The following ARFGEF1 variants were observed in gnomAD, a reference collection of about 807,000 sequenced individuals.
ARFGEF1 encodes the protein ARF guanine nucleotide exchange factor 1, also known as brefeldin A-inhibited guanine nucleotide-exchange protein 1.
A neutral mutation model predicts 231.0 loss-of-function variants in ARFGEF1; 42 were observed. That is an observed-to-expected ratio of 0.18 (90% CI 0.14 to 0.24). The LOEUF is 0.24. Among genes scored for constraint, ARFGEF1 ranks in the 10% least tolerant of loss-of-function variants. The pLI, the probability that ARFGEF1 is intolerant of heterozygous loss-of-function variation, is 1.00. For missense variants in ARFGEF1, 1,345 were observed against 2,192.0 expected (o/e 0.61, Z 7.72); for synonymous variants, 710 against 732.3 (o/e 0.97, Z 0.49).
intron 10 of ARFGEF1, among the ~76,000 whole-genome samples, chr8:67,267,845 CCTAA>C (rs1412322830): frequency 6.6e-6 from 1 of 152,096 alleles, no homozygotes; most frequent in Admixed American, 6.6e-5. Flanking sequence ...TACTGAGAGG[CCTAA>C]CTGTTCGTAG....
intron 1 of ARFGEF1, among the ~76,000 whole-genome samples, chr8:67,325,389 T>C (rs185288432): frequency 2.6e-5 from 4 of 152,320 alleles, no homozygotes; most frequent in Non-Finnish European, 4.4e-5. Flanking sequence ...ACTTCAAAGG[T>C]TGTTTTTAAT....
intron 1 of ARFGEF1, among the ~76,000 whole-genome samples, chr8:67,306,180 T>C (rs1806736070): frequency 6.6e-6 from 1 of 152,016 alleles, no homozygotes; most frequent in Admixed American, 6.6e-5. Flanking sequence ...AAAATAAGAG[T>C]GACTTGAACA....
In ARFGEF1 at chr8:67,301,250, C is replaced by T. The variant is rs758509264; in HGVS notation, c.286G>A (p.Val96Ile). 4 of 1,613,060 alleles carry T rather than the reference C, an allele frequency of 2.5e-6. No homozygotes were observed. In the African/African-American group the frequency reaches 4.0e-5, roughly 16 times the overall value. Residue 96 changes from valine (V) to isoleucine (I), a missense_variant, in exon 3 of 39, where the codon GTT becomes ATT. Val to Ile is a conservative substitution (Grantham distance 29, BLOSUM62 3). This residue lies in a region of ARFGEF1 where 398 missense variants were observed against 463.2 expected (regional missense o/e 0.86). Transcript: ENST00000262215. ...LACQSKCPRI[V>I]STSLDCLQKL... ...TGTAAGCAATCTAGAGATGTACTAA[C>T]TATGCGAGGACATTTGGACTGGCAT...
intron 1 of ARFGEF1, among the ~76,000 whole-genome samples, chr8:67,303,715 T>TA (rs879264401): frequency 9.4e-4 from 134 of 142,896 alleles, no homozygotes; most frequent in Middle Eastern, 7.2e-3. Flanking sequence ...CTCCATCTCT[T>TA]AAAAAAAAAA....
chr8:67,191,631 C>T (rs1836282937), intron 5 of ARFGEF1, among the ~76,000 whole-genome samples: 1 of 152,148 alleles, frequency 6.6e-6, no homozygotes, highest in South Asian at 2.1e-4. Flanking sequence ...AATAATTTTC[C>T]ACTGTATTAG....
At chr8:67,197,518 G>A (rs1379978805), downstream of ARFGEF1, 2 of 649,260 alleles carry the variant, frequency 3.1e-6, no homozygotes, top group East Asian at 2.7e-4. Context: ...AGTGTAAGGA[G>A]GATCTAATGC....
At chr8:67,302,277 A>C (rs1238912878) in intron 2 of ARFGEF1, among the ~76,000 whole-genome samples, 159 bp downstream of exon 2, 1 of 152,006 alleles carries the variant, frequency 6.6e-6, no homozygotes, top group Non-Finnish European at 1.5e-5. Flanking sequence ...TATTGTTTTT[A>C]TATAATTGTA....
chr8:67,299,999 T>C (rs1254975523), intron 3 of ARFGEF1, among the ~76,000 whole-genome samples: 1 of 152,096 alleles, frequency 6.6e-6, no homozygotes, highest in Non-Finnish European at 1.5e-5. Context: ...GCTTATTGCT[T>C]TCCACATAAA....
intron 6 of ARFGEF1, among the ~76,000 whole-genome samples, chr8:67,289,998 T>C (rs1805939288): frequency 6.6e-6 from 1 of 152,178 alleles, no homozygotes; most frequent in Non-Finnish European, 1.5e-5. Context: ...TAACAATGAC[T>C]AATATTTATT....
At chr8:67,292,821 G>T (rs1008257819) in intron 5 of ARFGEF1, among the ~76,000 whole-genome samples, 3 of 151,740 alleles carry the variant, frequency 2.0e-5, no homozygotes, top group Non-Finnish European at 4.4e-5. Context: ...ATCTCTTTTG[G>T]TCCTCAAGAC....
downstream of ARFGEF1, chr8:67,195,565 G>C (rs377160929): frequency 8.1e-6 from 13 of 1,614,014 alleles, no homozygotes; most frequent in Admixed American, 1.7e-5. Context: ...ACTTTCACTT[G>C]GCAGGGCCTG....
chr8:67,188,856 C>T (rs1835410702), intron 5 of ARFGEF1, among the ~76,000 whole-genome samples: 1 of 152,164 alleles, frequency 6.6e-6, no homozygotes, highest in South Asian at 2.1e-4. Flanking sequence ...CACTGGGTTC[C>T]ACGGTTCTCT....
rs1168998872 is a variant in ARFGEF1 at position 67,249,062 on chromosome 8, T to C, written c.2850+2237A>G. 2.0e-5 allele frequency among the ~76,000 whole-genome samples: 3 copies of C among 150,346 alleles called. 1 individual carries two copies. Among genetic ancestry groups the C allele is most frequent in the Admixed American group, 6.7e-5 (1 of 15,022 alleles). On this transcript the variant is annotated intron_variant, in intron 19 of 38. Transcript: ENST00000262215. ...CTTCCACCCAGCCAATGTTTATTCA[T>C]TGAGTACTTAACACAAGCCAGGAAC...
intron 4 of ARFGEF1, 44 bp from the exon 5 acceptor site, chr8:67,296,654 CTTTTTT>C (rs369652334): frequency 1.5e-5 from 17 of 1,169,140 alleles, no homozygotes; most frequent in Middle Eastern, 5.1e-4. Context: ...TTTTCTTTTT[CTTTTTT>C]TTTTTGGAGA....
intron 5 of ARFGEF1, among the ~76,000 whole-genome samples, chr8:67,182,983 A>C (rs922391535): frequency 1.3e-5 from 2 of 152,198 alleles, no homozygotes; most frequent in Non-Finnish European, 2.9e-5. Context: ...TAATTTTGAT[A>C]CAGTCCAATT....
intron 14 of ARFGEF1, among the ~76,000 whole-genome samples, chr8:67,264,857 A>C (rs1288356792): frequency 6.6e-6 from 1 of 152,196 alleles, no homozygotes; most frequent in East Asian, 1.9e-4. Flanking sequence ...TCTTTTATAA[A>C]CATTTACACA....
At chr8:67,176,270 G>A (rs1831602395) in intron 5 of ARFGEF1, among the ~76,000 whole-genome samples, 1 of 152,100 alleles carries the variant, frequency 6.6e-6, no homozygotes, top group East Asian at 1.9e-4. Flanking sequence ...AGAGTGGAAG[G>A]GATGCTCCTG....
At chr8:67,203,991 T>A (rs1838424374) in intron 35 of ARFGEF1, among the ~76,000 whole-genome samples, 1 of 152,144 alleles carries the variant, frequency 6.6e-6, no homozygotes, top group South Asian at 2.1e-4. Flanking sequence ...AAATTGCCCC[T>A]CTCTTGCCTA....
intron 1 of ARFGEF1, among the ~76,000 whole-genome samples, chr8:67,307,917 G>C (rs375962919): frequency 6.6e-5 from 10 of 152,296 alleles, no homozygotes; most frequent in African/African-American, 2.4e-4. Flanking sequence ...GGTCAGAAAG[G>C]CCAAGCAGCT....
Sources: gnomAD v4.1 joint callset for allele counts (sites outside exome capture counted in the v4.1 genomes callset) on GRCh38, gnomAD v4.1.1 for gene constraint, gnomAD v4.1.1 regional missense constraint, MANE v1.5 for transcripts, NCBI Gene and HGNC (gene_info 2026-07-23, HGNC 2026-07-21) for gene names.